Variants in SLC25A43 observed in about 807,000 individuals in gnomAD.
SLC25A43 encodes solute carrier family 25, member 43.
SLC25A43 carries 10 observed loss-of-function variants against 22.8 expected under a neutral mutation model. The observed-to-expected ratio is 0.44, with a 90% CI of 0.27 to 0.74. The LOEUF (loss-of-function observed/expected upper bound fraction) is 0.74, where lower values mean the gene tolerates loss of function less well. SLC25A43 is among the 30% of genes least tolerant of loss of function. The probability of loss-of-function intolerance (pLI) is 0.17; values close to 1 mark genes in which losing one functional copy is unlikely to be tolerated. For missense variants in SLC25A43, 233 were observed against 279.1 expected (o/e 0.83, Z 1.18); for synonymous variants, 106 against 121.6 (o/e 0.87, Z 0.84).
chrX:119,403,385 G>A (rs776386738), intron 1 of SLC25A43, among the ~76,000 whole-genome samples: 51 of 110,475 alleles, frequency 4.6e-4, no homozygotes, highest in South Asian at 1.2e-3. Context: ...CACCTCCCGG[G>A]TTCAAGCGAT....
chrX:119,405,460 C>T (rs909925719), intron 1 of SLC25A43, among the ~76,000 whole-genome samples: 6 of 109,508 alleles, frequency 5.5e-5, no homozygotes, highest in African/African-American at 1.7e-4. Context: ...TGGGGATGCT[C>T]TCATTTTAAA....
intron 3 of SLC25A43, among the ~76,000 whole-genome samples, chrX:119,431,816 T>G (rs933239617): frequency 1.8e-5 from 2 of 111,205 alleles, no homozygotes; most frequent in Non-Finnish European, 1.9e-5. Flanking sequence ...GACACCCAGA[T>G]AACTCATATA....
chrX:119,407,748 G>A (rs1363412491), intron 2 of SLC25A43, among the ~76,000 whole-genome samples: 3 of 110,828 alleles, frequency 2.7e-5, no homozygotes, highest in Admixed American at 9.6e-5. Flanking sequence ...TGATGTCCTC[G>A]TTGGTCTCAA....
chrX:119,417,771 TA>T lies in SLC25A43; in HGVS notation c.690+7425del, dbSNP rs199624214. ...AATAGATGCAAAGTCATGATGGTTG[TA>T]AAAAAAAAAAAAAAATCCAAAGAGG... On this transcript the variant is annotated intron_variant, in intron 3 of 4. Transcript: ENST00000217909. 6.2e-3 allele frequency among the ~76,000 whole-genome samples: 577 copies of T among 93,046 alleles called. 2 individuals are homozygous for T. Among genetic ancestry groups the T allele is most frequent in the Middle Eastern group, 0.017 (3 of 178 alleles). The allele number at this position is 93,046 out of a possible 115,157, so 80.8% of individuals were successfully genotyped here. A position where few individuals can be genotyped will look rare whatever the true frequency, so the allele number is the denominator to read the frequency against.
At chrX:119,404,259 C>T (rs780767681) in intron 1 of SLC25A43, among the ~76,000 whole-genome samples, 5 of 111,304 alleles carry the variant, frequency 4.5e-5, no homozygotes, top group Admixed American at 1.9e-4. Context: ...CCTCGGCCTC[C>T]CAAAGTGCTG....
intron 3 of SLC25A43, among the ~76,000 whole-genome samples, chrX:119,447,048 G>A (rs754087678): frequency 9.0e-6 from 1 of 110,838 alleles, no homozygotes; most frequent in Non-Finnish European, 1.9e-5. Flanking sequence ...CCACCTCCCG[G>A]GTTCAAGTGA....
chrX:119,409,730 C>G (rs2052332968), intron 2 of SLC25A43, among the ~76,000 whole-genome samples: 1 of 110,434 alleles, frequency 9.1e-6, no homozygotes, highest in Non-Finnish European at 1.9e-5. Flanking sequence ...ATTCTTCTGT[C>G]TCAGTCTCCC....
At chrX:119,419,863 A>G (rs2052437678) in intron 3 of SLC25A43, among the ~76,000 whole-genome samples, 1 of 111,382 alleles carries the variant, frequency 9.0e-6, no homozygotes, top group Non-Finnish European at 1.9e-5. Flanking sequence ...TTCATTCCTA[A>G]CATTCCCATG....
intron 3 of SLC25A43, among the ~76,000 whole-genome samples, chrX:119,419,839 AG>A (rs2052437582): frequency 9.0e-6 from 1 of 111,303 alleles, no homozygotes; most frequent in African/African-American, 3.3e-5. Context: ...GTTAACCTTG[AG>A]CCCTGTTGCT....
At chrX:119,404,842 A>C (rs1270020123) in intron 1 of SLC25A43, among the ~76,000 whole-genome samples, 1 of 111,793 alleles carries the variant, frequency 8.9e-6, no homozygotes. Context: ...AATTGCAAAA[A>C]AATCTCATAA....
rs2052727493 is a variant in SLC25A43 at position 119,454,406 on chromosome X, C to T, written c.*1341C>T. ...TTGTTAATTTATACACACACATACA[C>T]TCATACATAGAGAGAGATTTTCGGT... On this transcript the variant is annotated 3_prime_UTR_variant, in exon 5 of 5. Transcript: ENST00000217909. The T allele has an allele frequency of 8.9e-6, 1 of 112,060 alleles. No individual in the cohort carries two copies. Among genetic ancestry groups the T allele is most frequent in the South Asian group, 3.7e-4 (1 of 2,711 alleles). 9.2% of individuals were successfully genotyped at this position (112,060 alleles called of 1,213,427 possible).
intron 3 of SLC25A43, among the ~76,000 whole-genome samples, chrX:119,428,802 C>T (rs775988924): frequency 2.0e-4 from 22 of 111,795 alleles, no homozygotes; most frequent in Non-Finnish European, 3.0e-4. Context: ...GTCAGATCAG[C>T]GGCGGCATTA....
intron 1 of SLC25A43, among the ~76,000 whole-genome samples, chrX:119,401,880 C>T (rs748463905): frequency 5.4e-5 from 6 of 110,473 alleles, no homozygotes; most frequent in South Asian, 7.9e-4. Context: ...CTGAGGGCAC[C>T]GGCAATAGGT....
chrX:119,443,186 C>T (rs193114855), intron 3 of SLC25A43, among the ~76,000 whole-genome samples: 1,200 of 94,390 alleles, frequency 0.013, 25 homozygotes, highest in African/African-American at 0.045. Flanking sequence ...GTGGCACAAT[C>T]TTGGCTCACT....
intron 3 of SLC25A43, among the ~76,000 whole-genome samples, chrX:119,435,427 T>C (rs2052593911): frequency 9.4e-6 from 1 of 106,725 alleles, no homozygotes; most frequent in Non-Finnish European, 1.9e-5. Context: ...CTATGGCTTG[T>C]AGGCTCCAGT....
intron 3 of SLC25A43, among the ~76,000 whole-genome samples, chrX:119,431,133 C>T (rs1363894727): frequency 8.9e-6 from 1 of 112,197 alleles, no homozygotes; most frequent in Admixed American, 9.5e-5. Flanking sequence ...CTCTCACCAA[C>T]TCCATTTTGT....
At chrX:119,446,556 C>T (rs1204992678) in intron 3 of SLC25A43, among the ~76,000 whole-genome samples, 1 of 112,351 alleles carries the variant, frequency 8.9e-6, no homozygotes, top group Non-Finnish European at 1.9e-5. Flanking sequence ...GCCATTACAT[C>T]TTAGTAAAAT....
chrX:119,441,771 G>T (rs141781774), intron 3 of SLC25A43, among the ~76,000 whole-genome samples: 1 of 111,607 alleles, frequency 9.0e-6, no homozygotes, highest in Non-Finnish European at 1.9e-5. Flanking sequence ...TTAAGCAGGT[G>T]AGTAAAAGGA....
At chrX:119,443,448 CTTT>C (rs370848437) in intron 3 of SLC25A43, among the ~76,000 whole-genome samples, 195 of 72,590 alleles carry the variant, frequency 2.7e-3, no homozygotes, top group African/African-American at 9.4e-3. Context: ...CTCTCTCTCT[CTTT>C]TTTTTTTTTT....
Sources: allele counts gnomAD v4.1 joint callset (sites outside exome capture counted in the v4.1 genomes callset), GRCh38; gene constraint gnomAD v4.1.1; transcripts MANE v1.5; gene names NCBI Gene and HGNC (gene_info 2026-07-23, HGNC 2026-07-21).